The following CARMIL1 variants were observed in gnomAD, a reference collection of about 807,000 sequenced individuals.
CARMIL1 encodes F-actin-uncapping protein LRRC16A.
In CARMIL1, 90 loss-of-function variants were observed where a neutral mutation model predicts 177.1. The ratio of observed to expected loss-of-function variants is 0.51; its 90% CI spans 0.43 to 0.61. The LOEUF (loss-of-function observed/expected upper bound fraction) is 0.61. Ranked by LOEUF, CARMIL1 falls within the 20% of genes least tolerant of loss-of-function variation. The pLI is 0.00. For synonymous variants in CARMIL1, 577 were observed against 606.2 expected (o/e 0.95, Z 0.71); for missense variants, 1,380 against 1,667.0 (o/e 0.83, Z 3.00).
At chr6:25,460,721 A>G (rs1159146635) in intron 8 of CARMIL1, among the ~76,000 whole-genome samples, 1 of 152,254 alleles carries the variant, frequency 6.6e-6, no homozygotes, top group Non-Finnish European at 1.5e-5. Flanking sequence ...ATTCTAATGT[A>G]TGAACATTCC....
Position 25,334,931 on chromosome 6 carries a change from A to G in CARMIL1, c.138+50022A>G, listed in dbSNP as rs568557265. ...TGAAGCATGAACAGTAACAATCTGAAACCATAGGCCCTTCACACCTCTTCT... is the reference window on the plus strand; with the variant it reads ...TGAAGCATGAACAGTAACAATCTGAGACCATAGGCCCTTCACACCTCTTCT... On this transcript the variant is annotated intron_variant, in intron 2 of 36. Coordinates refer to ENST00000329474, the MANE Select transcript of CARMIL1 (RefSeq NM_017640.6). Among the ~76,000 whole-genome samples the G allele has an allele frequency of 2.0e-4, 31 of 152,308 alleles. No homozygotes were observed. The East Asian group carries it at 4.4e-3, about 22-fold the overall frequency.
intron 5 of CARMIL1, among the ~76,000 whole-genome samples, 189 bp from the exon 6 acceptor site, chr6:25,449,709 G>T (rs944675386): frequency 6.6e-6 from 1 of 152,170 alleles, no homozygotes; most frequent in Non-Finnish European, 1.5e-5. Flanking sequence ...AAGTTATAGG[G>T]ATTTATTATG....
chr6:25,414,747 G>T (rs991295923), intron 2 of CARMIL1, among the ~76,000 whole-genome samples: 3 of 152,126 alleles, frequency 2.0e-5, no homozygotes, highest in Non-Finnish European at 2.9e-5. Flanking sequence ...AAGCTTGGAA[G>T]ATTTCCTCTA....
chr6:25,547,312 C>T lies in CARMIL1; in HGVS notation c.2329-3598C>T, dbSNP rs188597645. Among the ~76,000 whole-genome samples, 328 of 152,164 alleles carry T rather than the reference C, an allele frequency of 2.2e-3. 1 individual carries two copies. Among genetic ancestry groups the T allele is most frequent in the Non-Finnish European group, 3.7e-3 (251 of 68,008 alleles). On this transcript the variant is annotated intron_variant, in intron 26 of 36. Transcript: ENST00000329474. ...AGGTTTTTAATAGAACTTGACAAAG[C>T]TGATTCTAAACATATGGAAAAGCAG...
chr6:25,370,376 C>A (rs1378385324), intron 2 of CARMIL1, among the ~76,000 whole-genome samples: 1 of 152,152 alleles, frequency 6.6e-6, no homozygotes, highest in East Asian at 1.9e-4. Context: ...GCAAGAGTAG[C>A]TTTATTACAC....
intron 35 of CARMIL1, among the ~76,000 whole-genome samples, chr6:25,607,200 C>T (rs1582512174): frequency 7.1e-6 from 1 of 140,316 alleles, no homozygotes; most frequent in Non-Finnish European, 1.6e-5. Flanking sequence ...ACACCACACA[C>T]ACACACACAT....
intron 2 of CARMIL1, among the ~76,000 whole-genome samples, chr6:25,324,788 G>C (rs373992626): frequency 7.1e-4 from 108 of 152,250 alleles, no homozygotes; most frequent in Non-Finnish European, 1.3e-3. Context: ...GTCAGGGAAG[G>C]GGGGGTGTTT....
intron 2 of CARMIL1, among the ~76,000 whole-genome samples, chr6:25,347,354 C>G (rs1294693615): frequency 1.3e-5 from 2 of 152,190 alleles, no homozygotes; most frequent in Non-Finnish European, 2.9e-5. Context: ...TACCAACAGC[C>G]CATTGATCTC....
intron 2 of CARMIL1, among the ~76,000 whole-genome samples, chr6:25,344,557 G>A (rs1360825372): frequency 6.6e-6 from 1 of 152,148 alleles, no homozygotes; most frequent in East Asian, 1.9e-4. Flanking sequence ...CAGATCTTAA[G>A]TGGGCCCTTG....
intron 2 of CARMIL1, among the ~76,000 whole-genome samples, chr6:25,375,824 A>G (rs75225406): frequency 0.034 from 5,251 of 152,282 alleles, 252 homozygotes; most frequent in African/African-American, 0.1. Context: ...TTTAATTTCC[A>G]GAAGTTCGGA....
intron 32 of CARMIL1, among the ~76,000 whole-genome samples, chr6:25,596,496 T>G (rs1046478200): frequency 1.3e-5 from 2 of 152,190 alleles, no homozygotes; most frequent in Non-Finnish European, 2.9e-5. Context: ...GCAACTAATT[T>G]TTATTCCTTT....
At chr6:25,377,891 T>C (rs1791148810) in intron 2 of CARMIL1, among the ~76,000 whole-genome samples, 1 of 152,190 alleles carries the variant, frequency 6.6e-6, no homozygotes, top group Non-Finnish European at 1.5e-5. Context: ...ATTTATGCTT[T>C]GCCTTATGTA....
chr6:25,457,183 T>G (rs147054283), intron 8 of CARMIL1, among the ~76,000 whole-genome samples: 1 of 152,190 alleles, frequency 6.6e-6, no homozygotes, highest in Non-Finnish European at 1.5e-5. Context: ...GTGACGTTAA[T>G]AGTAGAACTT....
At chr6:25,536,101 T>C (rs1808278200) in intron 24 of CARMIL1, among the ~76,000 whole-genome samples, 2 of 152,194 alleles carry the variant, frequency 1.3e-5, no homozygotes, top group South Asian at 4.1e-4. Context: ...CTCATCCACA[T>C]GCCTCTCAAA....
intron 2 of CARMIL1, among the ~76,000 whole-genome samples, chr6:25,357,992 C>A (rs1271478878): frequency 6.6e-6 from 1 of 152,170 alleles, no homozygotes; most frequent in Non-Finnish European, 1.5e-5. Context: ...AGCATTTAGC[C>A]TGACAGGTTG....
At chr6:25,321,018 C>G (rs16890368) in intron 2 of CARMIL1, among the ~76,000 whole-genome samples, 4,270 of 152,122 alleles carry the variant, frequency 0.028, 210 homozygotes, top group African/African-American at 0.097. Flanking sequence ...CAAGCTTTAT[C>G]TAGACTGTTC....
intron 8 of CARMIL1, among the ~76,000 whole-genome samples, chr6:25,453,900 G>A (rs1467940037): frequency 3.3e-5 from 5 of 152,108 alleles, no homozygotes; most frequent in Admixed American, 6.6e-5. Context: ...ATGCCATAAT[G>A]ATTTTTATAG....
intron 8 of CARMIL1, among the ~76,000 whole-genome samples, chr6:25,463,715 A>T (rs531392670): frequency 3.9e-5 from 6 of 152,324 alleles, no homozygotes; most frequent in Non-Finnish European, 7.4e-5. Flanking sequence ...TAATTAGGCA[A>T]TAGGAAGAGA....
At chr6:25,307,214 T>G (rs1045844962) in intron 2 of CARMIL1, among the ~76,000 whole-genome samples, 1 of 152,238 alleles carries the variant, frequency 6.6e-6, no homozygotes, top group Non-Finnish European at 1.5e-5. Context: ...CAGTAATACC[T>G]GTGCTTGTAA....
Sources: allele counts gnomAD v4.1 joint callset (sites outside exome capture counted in the v4.1 genomes callset), GRCh38; gene constraint gnomAD v4.1.1; transcripts MANE v1.5; gene names NCBI Gene and HGNC (gene_info 2026-07-23, HGNC 2026-07-21).